The following L1CAM variants were observed in gnomAD, a reference collection of about 807,000 sequenced individuals.
L1CAM encodes neural cell adhesion molecule L1.
Under a neutral mutation model 93.0 loss-of-function variants are expected in L1CAM, and 8 were observed. The ratio of observed to expected loss-of-function variants is 0.09; its 90% CI spans 0.05 to 0.16. The LOEUF (loss-of-function observed/expected upper bound fraction) is 0.16, where lower values mean the gene tolerates loss of function less well. L1CAM is among the 10% of genes least tolerant of loss of function. The pLI is 1.00. For missense variants in L1CAM, 777 were observed against 1,073.4 expected, an observed-to-expected ratio of 0.72 and a Z score of 3.86; for synonymous variants, 453 against 453.0, an observed-to-expected ratio of 1.00 and a Z score of 0.00.
chrX:153,885,428 G>A (rs1168842122), intron 1 of L1CAM: 1 of 978,545 alleles, frequency 1.0e-6, no homozygotes, highest in African/African-American at 2.0e-5. Flanking sequence ...CTCTGCGGCA[G>A]GTTTTCGGGT....
intron 7 of L1CAM, 101 bp from the exon 8 acceptor site, chrX:153,870,600 G>A: frequency 1.2e-6 from 1 of 811,520 alleles, no homozygotes; most frequent in Non-Finnish European, 1.8e-6. Context: ...CGGGGCCTCT[G>A]TGTCTTCCTC....
intron 26 of L1CAM, 115 bp downstream of exon 26, chrX:153,863,768 C>T (rs2064685278): frequency 4.7e-6 from 5 of 1,066,830 alleles, no homozygotes; most frequent in Non-Finnish European, 3.9e-6. Flanking sequence ...CACCATGCGC[C>T]TGTCATCTTG....
At chrX:153,883,648 A>G (rs1480669859) in intron 1 of L1CAM, 1 of 295,578 alleles carries the variant, frequency 3.4e-6, no homozygotes, top group Non-Finnish European at 6.8e-6. Flanking sequence ...CGCCTCCCCC[A>G]CTGTCTGAAC....
chrX:153,874,562 C>T (rs1363846010), intron 2 of L1CAM, among the ~76,000 whole-genome samples: 1 of 112,477 alleles, frequency 8.9e-6, no homozygotes, highest in African/African-American at 3.2e-5. Flanking sequence ...GCCCCTTTAC[C>T]TCCTCCAAGC....
At chrX:153,886,033 C>G (rs2064879160) in intron 1 of L1CAM, 32 bp downstream of exon 1, 1 of 416,893 alleles carries the variant, frequency 2.4e-6, no homozygotes, top group African/African-American at 1.2e-4. Flanking sequence ...CGGCCGCGGC[C>G]CGGGTCGCAC....
rs2064723510 is a variant in L1CAM, at chrX:153,867,369, G to A, written c.2124C>T (p.Val708=). The A allele has an allele frequency of 8.3e-7, 1 of 1,207,508 alleles. No individual in the cohort carries two copies. The highest frequency in any genetic ancestry group is 1.8e-5 in the African/African-American group (1 of 56,948). The part of the protein sequence containing the change: ...GEPSPVSETV[V]TPEAAPEKNP... ...ACCCTGACTCACCTGCCTCAGGTGT[G>A]ACCACAGTCTCAGAGACCGGGCTGG... Residue 708 remains valine (V), a synonymous_variant, in exon 17 of 29, where the codon GTC becomes GTT. Transcript: ENST00000370060.
At position 153,884,291 on chromosome X, in the gene L1CAM, T is replaced by C. The variant is rs369635088; in HGVS notation, c.-109+1774A>G. ...GCGCCTGGGTAGGGAAGCTCTTCAC[T>C]GGCTGCAGGGCAGGGGACCCCGCCA... is the stretch of plus-strand genomic sequence containing the variant. On this transcript the variant is annotated intron_variant, in intron 1 of 28. Coordinates refer to ENST00000370060, the MANE Select transcript of L1CAM (RefSeq NM_001278116.2). 1.9e-4 allele frequency: 188 copies of C among 984,919 alleles called. No individual in the cohort carries two copies. In the African/African-American group the frequency reaches 3.2e-3, roughly 17 times the overall value. 81.2% of individuals were successfully genotyped at this position (984,919 alleles called of 1,213,427 possible). A position where few individuals can be genotyped will look rare whatever the true frequency, so the allele number is the denominator to read the frequency against.
chrX:153,874,916 A>G (rs1196760966), intron 2 of L1CAM, among the ~76,000 whole-genome samples: 1 of 112,041 alleles, frequency 8.9e-6, no homozygotes, highest in Non-Finnish European at 1.9e-5. Context: ...ACATGACCCA[A>G]TGCAATCAAA....
intron 6 of L1CAM, 36 bp downstream of exon 6, chrX:153,871,021 C>T (rs201597049): frequency 3.4e-5 from 41 of 1,208,891 alleles, no homozygotes; most frequent in Middle Eastern, 2.3e-4. Context: ...CCGCTAACAC[C>T]CCGACCCCAC....
chrX:153,870,268 A>G (rs1245367582), intron 8 of L1CAM, 28 bp from the exon 9 acceptor site: 1 of 1,201,588 alleles, frequency 8.3e-7, no homozygotes, highest in Non-Finnish European at 1.1e-6. Flanking sequence ...GGAAGAGAGC[A>G]GAAGGGAGAA....
intron 20 of L1CAM, 66 bp downstream of exon 20, chrX:153,865,638 C>T: frequency 1.0e-6 from 1 of 1,004,956 alleles, no homozygotes; most frequent in Non-Finnish European, 1.4e-6. Context: ...TGGCAAAGCC[C>T]CCTCACCATC....
chrX:153,863,800 G>C, intron 26 of L1CAM, 83 bp downstream of exon 26: 1 of 1,155,119 alleles, frequency 8.7e-7, no homozygotes. Flanking sequence ...GGGAATCCAG[G>C]AGGCCTTGCA....
chrX:153,879,847 A>T (rs933089612), intron 1 of L1CAM, among the ~76,000 whole-genome samples: 1 of 111,962 alleles, frequency 8.9e-6, no homozygotes, highest in Non-Finnish European at 1.9e-5. Context: ...GCTGGCTGGG[A>T]GTAAGTGGTC....
At chrX:153,863,296 A>G in intron 28 of L1CAM, 72 bp downstream of exon 28, 2 of 1,118,854 alleles carry the variant, frequency 1.8e-6, no homozygotes, top group Non-Finnish European at 1.2e-6. Flanking sequence ...GCCAGGGGAC[A>G]ATGGCACACC....
At chrX:153,875,117 C>T (rs1234229887) in intron 2 of L1CAM, among the ~76,000 whole-genome samples, 1 of 111,686 alleles carries the variant, frequency 9.0e-6, no homozygotes, top group Non-Finnish European at 1.9e-5. Context: ...TCCCCAACAT[C>T]CACTCACCTG....
chrX:153,871,048 G>A lies in L1CAM; in HGVS notation c.523+9C>T, dbSNP rs200884857. On this transcript the variant is annotated intron_variant, in intron 6 of 28. Coordinates refer to ENST00000370060, the MANE Select transcript of L1CAM (RefSeq NM_001278116.2). ...CGACCCCACGAGGCAGCCGCTCGCCGGCACCCACTGCTGTTCATCCAGTAG... is the reference window on the plus strand; with the variant it reads ...CGACCCCACGAGGCAGCCGCTCGCCAGCACCCACTGCTGTTCATCCAGTAG... 5.5e-5 allele frequency: 67 copies of A among 1,209,117 alleles called. No individual in the cohort carries two copies. The South Asian group carries it at 6.0e-4, about 11-fold the overall frequency.
intron 4 of L1CAM, 113 bp downstream of exon 4, chrX:153,872,479 G>T: frequency 1.1e-6 from 1 of 929,866 alleles, no homozygotes. Context: ...GCGAGGACTT[G>T]GGGTGATTAG....
At chrX:153,872,812 C>T (rs1275787434) in intron 3 of L1CAM, 115 bp from the exon 4 acceptor site, 3 of 613,262 alleles carry the variant, frequency 4.9e-6, no homozygotes, top group Non-Finnish European at 8.3e-6. Context: ...GGCCCCATGG[C>T]CACAGGGGGA....
intron 8 of L1CAM, 32 bp from the exon 9 acceptor site, chrX:153,870,272 G>T: frequency 8.3e-7 from 1 of 1,201,586 alleles, no homozygotes; most frequent in Non-Finnish European, 1.1e-6. Flanking sequence ...GAGAGCAGAA[G>T]GGAGAAAGGA....
Sources: allele counts gnomAD v4.1 joint callset (sites outside exome capture counted in the v4.1 genomes callset), GRCh38; gene constraint gnomAD v4.1.1; transcripts MANE v1.5; gene names NCBI Gene and HGNC (gene_info 2026-07-23, HGNC 2026-07-21).